ARHGAP8: variants seen among roughly 807,000 people sequenced by gnomAD.
ARHGAP8 encodes Rho GTPase activating protein 8.
A neutral mutation model predicts 46.1 loss-of-function variants in ARHGAP8; 62 were observed. The observed-to-expected ratio is 1.34, with a 90% CI of 1.10 to 1.66. The LOEUF (loss-of-function observed/expected upper bound fraction) is 1.66, where lower values mean the gene tolerates loss of function less well. Among genes scored for constraint, ARHGAP8 ranks in the 40% most tolerant of loss-of-function variants. ARHGAP8 has a pLI of 0.00. For synonymous variants in ARHGAP8, 375 were observed against 243.1 expected (o/e 1.54, Z -5.05); for missense variants, 923 against 568.4 (o/e 1.62, Z -6.34).
At chr22:44,854,430 ACCATGTTG>A (rs1601524854) in intron 10 of ARHGAP8, among the ~76,000 whole-genome samples, 1 of 151,634 alleles carries the variant, frequency 6.6e-6, no homozygotes, top group East Asian at 2.0e-4. Flanking sequence ...GACGGGCTTC[ACCATGTTG>A]CCCAGGCTAG....
intron 1 of ARHGAP8, among the ~76,000 whole-genome samples, chr22:44,767,211 GCTCC>G (rs1463584714): frequency 2.0e-5 from 3 of 152,092 alleles, no homozygotes; most frequent in Admixed American, 6.6e-5. Context: ...TTCCTTCTCT[GCTCC>G]CTCCCTCCTT....
In ARHGAP8 at chr22:44,813,361, ACCT is replaced by A. The variant is rs1312509477; in HGVS notation, c.300-1310_300-1308del. ...CCTACATATACATACACTTACACAC[ACCT>A]ACATACACACATACCCACCTACAGT... On this transcript the variant is annotated intron_variant, in intron 4 of 11. Coordinates refer to ENST00000356099, the MANE Select transcript of ARHGAP8 (RefSeq NM_181335.3). Among the ~76,000 whole-genome samples the A allele has an allele frequency of 1.4e-3, 209 of 148,938 alleles. 5 individuals carry two copies. The highest frequency in any genetic ancestry group is 0.013 in the Admixed American group (190 of 14,876).
chr22:44,802,418 G>A (rs1383721138), intron 3 of ARHGAP8, among the ~76,000 whole-genome samples: 1 of 152,198 alleles, frequency 6.6e-6, no homozygotes, highest in African/African-American at 2.4e-5. Flanking sequence ...CCCGAGCTGT[G>A]GGTGCCTCCC....
chr22:44,826,191 G>A (rs1210098205), intron 7 of ARHGAP8, among the ~76,000 whole-genome samples: 1 of 152,054 alleles, frequency 6.6e-6, no homozygotes, highest in African/African-American at 2.4e-5. Flanking sequence ...GCCTGGGTCC[G>A]GTAGAGACGG....
chr22:44,781,525 ATG>A (rs1357781457), intron 1 of ARHGAP8, among the ~76,000 whole-genome samples: 17 of 151,782 alleles, frequency 1.1e-4, no homozygotes, highest in African/African-American at 4.1e-4. Context: ...TATTTTTTAA[ATG>A]TTTATTTATT....
At chr22:44,771,498 C>T (rs1204086227) in intron 1 of ARHGAP8, among the ~76,000 whole-genome samples, 13 of 150,654 alleles carry the variant, frequency 8.6e-5, no homozygotes, top group South Asian at 2.1e-4. Flanking sequence ...CCACCCGCCT[C>T]GGCCTCCCAA....
intron 11 of ARHGAP8, among the ~76,000 whole-genome samples, chr22:44,860,436 GT>G (rs1448638947): frequency 6.6e-6 from 1 of 151,972 alleles, no homozygotes; most frequent in Non-Finnish European, 1.5e-5. Flanking sequence ...GCCTTTGTCT[GT>G]GTGTGTGTCT....
intron 2 of ARHGAP8, among the ~76,000 whole-genome samples, chr22:44,791,727 C>T (rs567397153): frequency 1.3e-3 from 197 of 152,054 alleles, no homozygotes; most frequent in African/African-American, 4.4e-3. Flanking sequence ...AACAAAAATA[C>T]CCCCAGCTTC....
At chr22:44,852,008 T>G (rs547652720) in intron 10 of ARHGAP8, among the ~76,000 whole-genome samples, 12 of 151,836 alleles carry the variant, frequency 7.9e-5, no homozygotes, top group African/African-American at 2.9e-4. Context: ...CTGGCCAACA[T>G]GGTGAAACCC....
chr22:44,860,869 T>G (rs931242522), intron 11 of ARHGAP8, among the ~76,000 whole-genome samples: 2 of 152,156 alleles, frequency 1.3e-5, no homozygotes, highest in African/African-American at 2.4e-5. Context: ...CTGTGCAGGG[T>G]GAGGAGAGCC....
At chr22:44,822,578 G>A in intron 6 of ARHGAP8, 109 bp downstream of exon 6, 1 of 1,000,588 alleles carries the variant, frequency 1.0e-6, no homozygotes, top group Non-Finnish European at 1.4e-6. Flanking sequence ...TGTGTGCTTG[G>A]CTAGATTTGG....
In ARHGAP8 at chr22:44,830,802, G is replaced by A. The variant is rs1023360980; in HGVS notation, c.596+5209G>A. On this transcript the variant is annotated intron_variant, in intron 7 of 11. Transcript: ENST00000356099. ...GATCCACCCATCTCGGCCTCCCAAA[G>A]TGCTGGGATTACAGGCGTGAGCCAC... Among the ~76,000 whole-genome samples, 12 of 152,206 alleles carry A rather than the reference G, an allele frequency of 7.9e-5. No homozygotes were observed. The South Asian group carries it at 2.5e-3, about 32-fold the overall frequency.
chr22:44,807,114 G>A (rs1928984945), intron 3 of ARHGAP8, among the ~76,000 whole-genome samples: 1 of 152,210 alleles, frequency 6.6e-6, no homozygotes, highest in Non-Finnish European at 1.5e-5. Context: ...TGTCTGCAGA[G>A]CACCCCACCC....
rs535537198 is a variant in ARHGAP8 at position 44,828,425 on chromosome 22, ATTTTT to A, written c.596+2853_596+2857del. ...GACCAGGCTCAGCCAGCAGACCAGA[ATTTTT>A]TTTTTTTTTTTTTTTTTTTTGAGAC... is the stretch of plus-strand genomic sequence containing the variant. On this transcript the variant is annotated intron_variant, in intron 7 of 11. Transcript: ENST00000356099. Among the ~76,000 whole-genome samples, 589 of 118,246 alleles carry A rather than the reference ATTTTT, an allele frequency of 5.0e-3. 9 individuals are homozygous for A. The highest frequency in any genetic ancestry group is 0.01 in the South Asian group (36 of 3,514). The allele number at this position is 118,246 out of a possible 152,430, so 77.6% of individuals were successfully genotyped here. A position where few individuals can be genotyped will look rare whatever the true frequency, so the allele number is the denominator to read the frequency against.
At chr22:44,800,096 CTGTCTTTT>C (rs1569151328) in intron 2 of ARHGAP8, among the ~76,000 whole-genome samples, 8 of 112,842 alleles carry the variant, frequency 7.1e-5, no homozygotes, top group African/African-American at 1.0e-4. Flanking sequence ...GGAGTCTGTT[CTGTCTTTT>C]TTTTTTTTTT....
chr22:44,769,326 G>A (rs376052551), intron 1 of ARHGAP8, among the ~76,000 whole-genome samples: 15 of 152,180 alleles, frequency 9.9e-5, no homozygotes, highest in African/African-American at 3.6e-4. Flanking sequence ...TGACCTGTAT[G>A]TCTCTCTATG....
At chr22:44,844,975 C>G (rs572510286) in intron 7 of ARHGAP8, among the ~76,000 whole-genome samples, 9 of 152,218 alleles carry the variant, frequency 5.9e-5, no homozygotes, top group African/African-American at 1.9e-4. Flanking sequence ...CAGGCTCCTA[C>G]TCATCCCTCA....
chr22:44,860,572 C>A (rs1393147421), intron 11 of ARHGAP8, among the ~76,000 whole-genome samples: 2 of 152,124 alleles, frequency 1.3e-5, no homozygotes, highest in Non-Finnish European at 1.5e-5. Context: ...CAACGGCCCT[C>A]GTTCCAAATA....
intron 10 of ARHGAP8, chr22:44,850,713 C>T (rs1217439398): frequency 6.6e-6 from 1 of 152,158 alleles, no homozygotes; most frequent in Non-Finnish European, 1.5e-5. Flanking sequence ...CACCTGTAAT[C>T]CCAGCACTTT....
Sources: allele counts gnomAD v4.1 joint callset (sites outside exome capture counted in the v4.1 genomes callset), GRCh38; gene constraint gnomAD v4.1.1; transcripts MANE v1.5; gene names NCBI Gene and HGNC (gene_info 2026-07-23, HGNC 2026-07-21).